The following CPEB1 variants were observed in gnomAD, a reference collection of about 807,000 sequenced individuals.
CPEB1 encodes cytoplasmic polyadenylation element-binding protein 1.
In CPEB1, 7 loss-of-function variants were observed where a neutral mutation model predicts 65.8. The observed-to-expected ratio is 0.11, with a 90% CI of 0.06 to 0.20. The LOEUF (loss-of-function observed/expected upper bound fraction) is 0.20. Ranked by LOEUF, CPEB1 falls within the 10% of genes least tolerant of loss-of-function variation. The pLI is 1.00. For synonymous variants in CPEB1, 262 were observed against 260.0 expected (o/e 1.01, Z -0.08); for missense variants, 551 against 712.2 (o/e 0.77, Z 2.58).
intron 1 of CPEB1, among the ~76,000 whole-genome samples, chr15:82,637,795 G>C (rs919128331): frequency 6.6e-6 from 1 of 151,910 alleles, no homozygotes; most frequent in South Asian, 2.1e-4. Flanking sequence ...TTTGGTCTGA[G>C]GACTCCTTTA....
At chr15:82,577,906 C>A (rs879919176) in intron 3 of CPEB1, among the ~76,000 whole-genome samples, 1 of 151,990 alleles carries the variant, frequency 6.6e-6, no homozygotes, top group Non-Finnish European at 1.5e-5. Context: ...TTTGGGAGGC[C>A]GAGGCAGGTG....
intron 9 of CPEB1, among the ~76,000 whole-genome samples, chr15:82,552,265 T>G (rs555264278): frequency 9.9e-5 from 15 of 150,856 alleles, no homozygotes; most frequent in Non-Finnish European, 1.6e-4. Context: ...TGCGCATGTG[T>G]GCATGCACAC....
intron 3 of CPEB1, among the ~76,000 whole-genome samples, chr15:82,600,611 T>C (rs2043021665): frequency 1.3e-5 from 2 of 152,192 alleles, no homozygotes; most frequent in African/African-American, 4.8e-5. Context: ...GTAAGGTCCT[T>C]GCATTTTCTA....
chr15:82,546,401 T>C (rs1463060716), intron 12 of CPEB1, 40 bp downstream of exon 12: 1 of 1,572,832 alleles, frequency 6.4e-7, no homozygotes, highest in Non-Finnish European at 8.7e-7. Flanking sequence ...AGCCAACAAT[T>C]TTTAATAGAG....
At chr15:82,558,124 T>C (rs1266730487) in intron 4 of CPEB1, 138 bp from the exon 5 acceptor site, 3 of 612,038 alleles carry the variant, frequency 4.9e-6, no homozygotes, top group Non-Finnish European at 5.6e-6. Context: ...CACAATATAA[T>C]GAACAGATAT....
intron 3 of CPEB1, among the ~76,000 whole-genome samples, chr15:82,618,172 C>T (rs1385150952): frequency 6.6e-6 from 1 of 151,934 alleles, no homozygotes; most frequent in Non-Finnish European, 1.5e-5. Context: ...AAACTGTTTT[C>T]CAAATAGTTG....
At position 82,544,272 on chromosome 15, in the gene CPEB1, GTTTTTTT is replaced by G. The variant is rs35946080; in HGVS notation, c.*313_*319del. The G allele has an allele frequency of 5.3e-5, 7 of 131,162 alleles. No individual in the cohort carries two copies. The highest frequency in any genetic ancestry group is 2.3e-4 in the South Asian group (1 of 4,444). The allele number at this position is 131,162 out of a possible 1,614,324, so 8.1% of individuals were successfully genotyped here. A position where few individuals can be genotyped will look rare whatever the true frequency, so the allele number is the denominator to read the frequency against. On this transcript the variant is annotated 3_prime_UTR_variant, in exon 13 of 13. Coordinates refer to ENST00000684509, the MANE Select transcript of CPEB1 (RefSeq NM_001365242.1). ...TACCTCAATACCTTCTGGACACGTA[GTTTTTTT>G]TTTTTTTTTTTTTTTCCCCGCTTTT...
chr15:82,640,376 C>G (rs2047009720), intron 1 of CPEB1, among the ~76,000 whole-genome samples: 3 of 152,128 alleles, frequency 2.0e-5, no homozygotes. Flanking sequence ...ATTTCTCTTG[C>G]ACATAGGAAC....
rs1440979404 is a variant in CPEB1 at position 82,580,332 on chromosome 15, AAAG to A, written c.272-8803_272-8801del. On this transcript the variant is annotated intron_variant, in intron 3 of 12. Transcript: ENST00000684509. ...AAGACTCTGTCTTAAAAAAAAAAAA[AAAG>A]AAGAAGAAGAAAAAAGAAATAATGA... is the stretch of plus-strand genomic sequence containing the variant. Among the ~76,000 whole-genome samples the A allele has an allele frequency of 1.7e-3, 255 of 151,866 alleles. 2 individuals are homozygous for A. The highest frequency in any genetic ancestry group is 4.8e-3 in the African/African-American group (198 of 41,438).
intron 8 of CPEB1, 114 bp from the exon 9 acceptor site, chr15:82,552,730 A>G (rs573215860): frequency 7.3e-6 from 9 of 1,226,606 alleles, no homozygotes; most frequent in Admixed American, 4.0e-5. Flanking sequence ...TATAAGATAC[A>G]TTTTTGTTTT....
rs72751653 is a variant in CPEB1, at chr15:82,577,507, A to G, written c.272-5975T>C. The stretch of plus-strand genomic sequence containing the variant: ...AGGACAGACATAGTAGTAATCTCAA[A>G]TCTGTTTTTATTTTTTGAGATGGAT... On this transcript the variant is annotated intron_variant, in intron 3 of 12. Coordinates refer to ENST00000684509, the MANE Select transcript of CPEB1 (RefSeq NM_001365242.1). Among the ~76,000 whole-genome samples the G allele has an allele frequency of 7.5e-3, 1,136 of 152,132 alleles. 13 individuals are homozygous for G. The highest frequency in any genetic ancestry group is 8.5e-3 in the Non-Finnish European group (576 of 68,010).
chr15:82,553,357 C>A, intron 8 of CPEB1, 110 bp downstream of exon 8: 1 of 773,624 alleles, frequency 1.3e-6, no homozygotes, highest in Non-Finnish European at 2.2e-6. Flanking sequence ...GAGTGCCCAC[C>A]ATGTTACCAA....
intron 1 of CPEB1, among the ~76,000 whole-genome samples, chr15:82,641,121 G>A (rs1257338663): frequency 6.6e-6 from 1 of 152,118 alleles, no homozygotes; most frequent in African/African-American, 2.4e-5. Context: ...CCTAGTCCAT[G>A]AAAAGAGGAT....
At position 82,627,238 on chromosome 15, in the gene CPEB1, C is replaced by G; in HGVS notation, c.226G>C (p.Val76Leu). 6.2e-7 allele frequency: 1 copy of G among 1,613,758 alleles called. No individual in the cohort carries two copies. The highest frequency in any genetic ancestry group is 8.5e-7 in the Non-Finnish European group (1 of 1,179,786). ...ILDNSLDFSR[V>L]CTTPINRGIH... ...CCTCGGTTTATAGGTGTAGTGCAGA[C>G]TCTACTGAAATCCAGAGAATTATCC... is the stretch of plus-strand genomic sequence containing the variant. Residue 76 changes from valine (V) to leucine (L), a missense_variant, in exon 3 of 13, where the codon GTC (valine) becomes CTC (leucine). Val to Leu is a conservative substitution (Grantham distance 32). Transcript: ENST00000684509.
At chr15:82,572,963 T>C (rs866011820) in intron 3 of CPEB1, 16 of 1,375,626 alleles carry the variant, frequency 1.2e-5, no homozygotes, top group African/African-American at 2.9e-5. Flanking sequence ...TTCTTCCTCA[T>C]AAAGGAGGGT....
intron 3 of CPEB1, among the ~76,000 whole-genome samples, chr15:82,594,862 G>A (rs919195303): frequency 3.9e-5 from 6 of 151,960 alleles, no homozygotes; most frequent in Non-Finnish European, 7.4e-5. Context: ...GGAGGCCCAA[G>A]AAAGTGGGAG....
chr15:82,564,281 G>GT (rs763056930), intron 4 of CPEB1, among the ~76,000 whole-genome samples: 5 of 147,876 alleles, frequency 3.4e-5, no homozygotes, highest in East Asian at 2.1e-4. Flanking sequence ...GGTTTTTTTT[G>GT]TTTTTTTGTT....
At chr15:82,646,867 G>C (rs1050260436) in intron 1 of CPEB1, among the ~76,000 whole-genome samples, 4 of 152,256 alleles carry the variant, frequency 2.6e-5, no homozygotes, top group Admixed American at 1.3e-4. Context: ...CTCCAGGCGG[G>C]CACAGGCCCG....
At chr15:82,614,881 A>G (rs62009943) in intron 3 of CPEB1, among the ~76,000 whole-genome samples, 15,294 of 76,416 alleles carry the variant, frequency 0.2, 803 homozygotes, top group African/African-American at 0.2. Context: ...GTGTGTGTGT[A>G]TATATATATA....
Sources: gnomAD v4.1 joint callset for allele counts (sites outside exome capture counted in the v4.1 genomes callset) on GRCh38, gnomAD v4.1.1 for gene constraint, MANE v1.5 for transcripts, NCBI Gene and HGNC (gene_info 2026-07-23, HGNC 2026-07-21) for gene names.